Variants in DCAF17 observed in about 807,000 individuals in gnomAD.
The protein encoded by DCAF17 is DDB1 and CUL4 associated factor 17.
DCAF17 carries 48 observed loss-of-function variants against 66.0 expected under a neutral mutation model. The observed-to-expected ratio is 0.73, with a 90% CI of 0.58 to 0.92. DCAF17 has a LOEUF of 0.92. Ranked by LOEUF, DCAF17 falls within the 40% of genes least tolerant of loss-of-function variation. DCAF17 has a pLI of 0.00. For missense variants in DCAF17, 562 were observed against 622.8 expected (o/e 0.90, Z 1.04); for synonymous variants, 206 against 214.6 (o/e 0.96, Z 0.35).
At chr2:171,462,119 A>G (rs1257679458) in intron 8 of DCAF17, among the ~76,000 whole-genome samples, 1 of 152,226 alleles carries the variant, frequency 6.6e-6, no homozygotes, top group African/African-American at 2.4e-5. Flanking sequence ...CAAAGACTTA[A>G]AAGTTTTAGA....
In DCAF17 at chr2:171,482,755, A is replaced by G. The variant is rs1392464581; in HGVS notation, c.*1641A>G. ...TGAAATGATAGTAAGGAACTCGTCT[A>G]TTCTGAAAGGCATTTGAGAAATAGC... On this transcript the variant is annotated 3_prime_UTR_variant, in exon 14 of 14. Coordinates refer to ENST00000375255, the MANE Select transcript of DCAF17 (RefSeq NM_025000.4). 2 of 453,690 alleles carry G rather than the reference A, an allele frequency of 4.4e-6. No individual in the cohort carries two copies. The highest frequency in any genetic ancestry group is 7.0e-5 in the East Asian group (1 of 14,386). The allele number at this position is 453,690 out of a possible 1,614,324, so 28.1% of individuals were successfully genotyped here. A position where few individuals can be genotyped will look rare whatever the true frequency, so the allele number is the denominator to read the frequency against.
At position 171,484,881 on chromosome 2, in the gene DCAF17, G is replaced by A. The variant is rs1447750810; in HGVS notation, c.*3767G>A. On this transcript the variant is annotated 3_prime_UTR_variant, in exon 14 of 14. Coordinates refer to ENST00000375255, the MANE Select transcript of DCAF17 (RefSeq NM_025000.4). ...CTTTCACTTAGCATAATGTTTTTGA[G>A]ATTTATTCATGTTGTTGCATGTGTC... 1 of 453,806 alleles carries A rather than the reference G, an allele frequency of 2.2e-6. No individual in the cohort carries two copies. Among genetic ancestry groups the A allele is most frequent in the Non-Finnish European group, 4.4e-6 (1 of 226,712 alleles). The allele number at this position is 453,806 out of a possible 1,614,324, so 28.1% of individuals were successfully genotyped here. A position where few individuals can be genotyped will look rare whatever the true frequency, so the allele number is the denominator to read the frequency against.
intron 2 of DCAF17, among the ~76,000 whole-genome samples, chr2:171,440,926 G>A (rs184356597): frequency 5.3e-5 from 8 of 152,306 alleles, no homozygotes; most frequent in African/African-American, 1.7e-4. Flanking sequence ...GGACAGACGG[G>A]TGGCACTTCC....
At chr2:171,463,651 C>T (rs1695729704) in intron 8 of DCAF17, among the ~76,000 whole-genome samples, 1 of 152,194 alleles carries the variant, frequency 6.6e-6, no homozygotes, top group Admixed American at 6.6e-5. Flanking sequence ...CAGTTCCCTA[C>T]TTTGGACATT....
At position 171,482,766 on chromosome 2, in the gene DCAF17, C is replaced by T. The variant is rs1242661059; in HGVS notation, c.*1652C>T. ...TAAGGAACTCGTCTATTCTGAAAGGCATTTGAGAAATAGCTGAATTCCTGG... is the reference window on the plus strand; with the variant it reads ...TAAGGAACTCGTCTATTCTGAAAGGTATTTGAGAAATAGCTGAATTCCTGG... On this transcript the variant is annotated 3_prime_UTR_variant, in exon 14 of 14. Transcript: ENST00000375255. 1 of 453,574 alleles carries T rather than the reference C, an allele frequency of 2.2e-6. No individual in the cohort carries two copies. Among genetic ancestry groups the T allele is most frequent in the Non-Finnish European group, 4.4e-6 (1 of 226,636 alleles). The allele number at this position is 453,574 out of a possible 1,614,324, so 28.1% of individuals were successfully genotyped here. A position where few individuals can be genotyped will look rare whatever the true frequency, so the allele number is the denominator to read the frequency against.
intron 5 of DCAF17, among the ~76,000 whole-genome samples, chr2:171,451,927 A>G (rs532782179): frequency 6.6e-6 from 1 of 152,320 alleles, no homozygotes; most frequent in East Asian, 1.9e-4. Context: ...TGATAATGTT[A>G]ATAAAATCTT....
At position 171,447,962 on chromosome 2, in the gene DCAF17, A is replaced by G. The variant is rs1304365892; in HGVS notation, c.322-719A>G. ...ATAGGTCATCTTTCAAACCAGGTCCATTTTCTGTACTTTGGCTGTCTTCAT... is the reference window on the plus strand; with the variant it reads ...ATAGGTCATCTTTCAAACCAGGTCCGTTTTCTGTACTTTGGCTGTCTTCAT... On this transcript the variant is annotated intron_variant, in intron 3 of 13. Transcript: ENST00000375255. 2.6e-5 allele frequency among the ~76,000 whole-genome samples: 4 copies of G among 152,134 alleles called. No homozygotes were observed. The South Asian group carries it at 6.2e-4, about 24-fold the overall frequency.
intron 3 of DCAF17, among the ~76,000 whole-genome samples, chr2:171,447,174 T>G: frequency 6.6e-6 from 1 of 151,988 alleles, no homozygotes; most frequent in East Asian, 1.9e-4. Context: ...TAATGTGTTA[T>G]TCAATTATAT....
chr2:171,481,164 C>G lies in DCAF17; in HGVS notation c.*50C>G. ...AGAGACTTTTAGCCAAACACCCCAG[C>G]AGCTGCGTCCAATCCATTTTATTAT... On this transcript the variant is annotated 3_prime_UTR_variant, in exon 14 of 14. Transcript: ENST00000375255. 6.2e-7 allele frequency: 1 copy of G among 1,608,824 alleles called. No homozygotes were observed. The highest frequency in any genetic ancestry group is 8.5e-7 in the Non-Finnish European group (1 of 1,175,778).
intron 8 of DCAF17, among the ~76,000 whole-genome samples, chr2:171,465,106 G>A (rs992022949): frequency 6.6e-6 from 1 of 151,984 alleles, no homozygotes; most frequent in Non-Finnish European, 1.5e-5. Context: ...GCTGAGGCAG[G>A]AGAATCGCAT....
At position 171,460,193 on chromosome 2, in the gene DCAF17, G is replaced by A. The variant is rs557654316; in HGVS notation, c.838+1716G>A. On this transcript the variant is annotated intron_variant, in intron 8 of 13. Transcript: ENST00000375255. Reference sequence around the variant, plus strand: ...CAAAAATTAGCTAGGCACGGTGGCAGGCACCTGTAATCCCAGCTACTTGGG... The same window carrying A: ...CAAAAATTAGCTAGGCACGGTGGCAAGCACCTGTAATCCCAGCTACTTGGG... Among the ~76,000 whole-genome samples the A allele has an allele frequency of 1.8e-4, 28 of 151,836 alleles. No homozygotes were observed. In the South Asian group the frequency reaches 5.8e-3, roughly 32 times the overall value.
chr2:171,476,292 T>G (rs1224351067), intron 10 of DCAF17, among the ~76,000 whole-genome samples: 1 of 152,154 alleles, frequency 6.6e-6, no homozygotes, highest in Non-Finnish European at 1.5e-5. Context: ...CCATTTGCAC[T>G]CCAAACCCCC....
Position 171,453,283 on chromosome 2 carries a change from T to C in DCAF17, c.627+70T>C, listed in dbSNP as rs189836615. Reference sequence around the variant, plus strand: ...AAGTTGTAATGTCATTATTTAATTATTTATGAGATATTTGATTGGAAATGC... The same window carrying C: ...AAGTTGTAATGTCATTATTTAATTACTTATGAGATATTTGATTGGAAATGC... On this transcript the variant is annotated intron_variant, in intron 6 of 13. Transcript: ENST00000375255. The C allele has an allele frequency of 3.3e-5, 39 of 1,177,302 alleles. No homozygotes were observed. In the African/African-American group the frequency reaches 3.8e-4, roughly 12 times the overall value. The allele number at this position is 1,177,302 out of a possible 1,614,324, so 72.9% of individuals were successfully genotyped here. A position where few individuals can be genotyped will look rare whatever the true frequency, so the allele number is the denominator to read the frequency against.
chr2:171,454,721 GC>G (rs1433823962), intron 6 of DCAF17, among the ~76,000 whole-genome samples: 1 of 151,504 alleles, frequency 6.6e-6, no homozygotes, highest in African/African-American at 2.4e-5. Flanking sequence ...ACATGGTGAA[GC>G]CCCGTCTCTA....
rs570361743 is a variant in DCAF17 at position 171,457,072 on chromosome 2, G to A, written c.628-899G>A. Among the ~76,000 whole-genome samples the A allele has an allele frequency of 6.6e-5, 10 of 152,240 alleles. No individual in the cohort carries two copies. The South Asian group carries it at 1.7e-3, about 25-fold the overall frequency. On this transcript the variant is annotated intron_variant, in intron 6 of 13. Transcript: ENST00000375255. ...TGTCTTGTGCTGGTTTTCAAGGGGA[G>A]TGACAAGATGTCTTTTTTCAAAGTG... is the stretch of plus-strand genomic sequence containing the variant.
chr2:171,442,368 C>A (rs1193386277), intron 2 of DCAF17, among the ~76,000 whole-genome samples: 1 of 150,974 alleles, frequency 6.6e-6, no homozygotes, highest in Non-Finnish European at 1.5e-5. Context: ...ACCAGCCTGA[C>A]CAACATGGTG....
At chr2:171,436,377 G>T (rs933354246) in intron 2 of DCAF17, among the ~76,000 whole-genome samples, 2 of 152,118 alleles carry the variant, frequency 1.3e-5, no homozygotes, top group African/African-American at 4.8e-5. Context: ...CTGTAACTGC[G>T]TTTAATAGTT....
intron 3 of DCAF17, 63 bp from the exon 4 acceptor site, chr2:171,448,618 T>G (rs1694772044): frequency 2.8e-6 from 4 of 1,430,772 alleles, no homozygotes; most frequent in Non-Finnish European, 3.7e-6. Flanking sequence ...CTTTGGACAT[T>G]GATTACTGCA....
chr2:171,454,084 GGTTT>G (rs1695105592), intron 6 of DCAF17, among the ~76,000 whole-genome samples: 1 of 151,716 alleles, frequency 6.6e-6, no homozygotes, highest in Admixed American at 6.6e-5. Flanking sequence ...GCAGGAGAAT[GGTTT>G]GAGCCCAGGA....
Sources: allele counts gnomAD v4.1 joint callset (sites outside exome capture counted in the v4.1 genomes callset), GRCh38; gene constraint gnomAD v4.1.1; transcripts MANE v1.5; gene names NCBI Gene and HGNC (gene_info 2026-07-23, HGNC 2026-07-21).